The following LPP variants were observed in gnomAD, a reference collection of about 807,000 sequenced individuals.
The protein encoded by LPP is LIM domain containing preferred translocation partner in lipoma.
Under a neutral mutation model 60.4 loss-of-function variants are expected in LPP, and 38 were observed. That is an observed-to-expected ratio of 0.63 (90% confidence interval 0.49 to 0.83). The LOEUF (loss-of-function observed/expected upper bound fraction) is 0.83, where lower values mean the gene tolerates loss of function less well. Ranked by LOEUF, LPP falls within the 40% of genes least tolerant of loss-of-function variation. The pLI, the probability that LPP is intolerant of heterozygous loss-of-function variation, is 0.00. For synonymous variants in LPP, 328 were observed against 290.8 expected (o/e 1.13, Z -1.30); for missense variants, 902 against 783.6 (o/e 1.15, Z -1.80).
At chr3:188,562,481 G>T (rs1830964784) in intron 6 of LPP, 1 of 152,016 alleles carries the variant, frequency 6.6e-6, no homozygotes, top group Admixed American at 6.6e-5. Context: ...AGAATAACTA[G>T]GAGGGGTTTT....
intron 9 of LPP, among the ~76,000 whole-genome samples, chr3:188,804,282 T>TATATATATATATATATAA (rs1560227180): frequency 1.6e-5 from 2 of 123,142 alleles, no homozygotes; most frequent in African/African-American, 3.0e-5. Context: ...TATATATATA[T>TATATATATATATATATAA]AAAATGGAAT....
rs574485450 is a variant in LPP at position 188,654,353 on chromosome 3, G to A, written c.1113+44509G>A. 3.9e-5 allele frequency among the ~76,000 whole-genome samples: 6 copies of A among 152,276 alleles called. No individual in the cohort carries two copies. In the East Asian group the frequency reaches 1.2e-3, roughly 29 times the overall value. Reference sequence around the variant, plus strand: ...TTAGGAAAGAGACATTCCTGACAGAGGAAATAACATAAGTAGACAGGGAGA... The same window carrying A: ...TTAGGAAAGAGACATTCCTGACAGAAGAAATAACATAAGTAGACAGGGAGA... On this transcript the variant is annotated intron_variant, in intron 7 of 11. Transcript: ENST00000617246.
At chr3:188,737,292 T>C (rs1722860995) in intron 8 of LPP, among the ~76,000 whole-genome samples, 1 of 152,152 alleles carries the variant, frequency 6.6e-6, no homozygotes, top group Non-Finnish European at 1.5e-5. Flanking sequence ...AGCTGGGCAA[T>C]GTGGATACTA....
intron 7 of LPP, among the ~76,000 whole-genome samples, chr3:188,679,773 C>A (rs534621438): frequency 2.0e-5 from 3 of 152,144 alleles, no homozygotes; most frequent in African/African-American, 7.2e-5. Flanking sequence ...GCATATTTTT[C>A]TTTTTTCTTA....
chr3:188,173,553 G>C (rs2148824797), intron 1 of LPP, among the ~76,000 whole-genome samples: 1 of 151,988 alleles, frequency 6.6e-6, no homozygotes, highest in East Asian at 1.9e-4. Context: ...CTGGGCAGCA[G>C]AGTGACTCCA....
chr3:188,506,773 G>A (rs1157298792), intron 5 of LPP, among the ~76,000 whole-genome samples: 1 of 152,140 alleles, frequency 6.6e-6, no homozygotes, highest in Non-Finnish European at 1.5e-5. Context: ...CCATATTTCT[G>A]TATCACCCAT....
At chr3:188,695,331 A>C (rs9864066) in intron 7 of LPP, among the ~76,000 whole-genome samples, 28,525 of 152,178 alleles carry the variant, frequency 0.19, 3,351 homozygotes, top group Middle Eastern at 0.38. Flanking sequence ...GAAATATTAA[A>C]TGTTGCTGGT....
chr3:188,190,907 G>A (rs896454834), intron 1 of LPP, among the ~76,000 whole-genome samples: 14 of 152,222 alleles, frequency 9.2e-5, no homozygotes, highest in African/African-American at 3.4e-4. Flanking sequence ...AGAAGATGAA[G>A]TGAATAAGTT....
At chr3:188,240,272 T>G (rs557176397) in intron 2 of LPP, 1 of 171,338 alleles carries the variant, frequency 5.8e-6, no homozygotes, top group African/African-American at 2.4e-5. Context: ...AGGGGGAACA[T>G]GGGTAGGAAT....
intron 8 of LPP, among the ~76,000 whole-genome samples, chr3:188,718,154 T>G (rs918658542): frequency 6.6e-6 from 1 of 152,196 alleles, no homozygotes; most frequent in African/African-American, 2.4e-5. Flanking sequence ...TGATTTGGAA[T>G]CCCAGACTTA....
intron 9 of LPP, among the ~76,000 whole-genome samples, chr3:188,762,446 A>T (rs1732682544): frequency 6.6e-6 from 1 of 152,196 alleles, no homozygotes; most frequent in Non-Finnish European, 1.5e-5. Context: ...TGTGCAGTGA[A>T]ATTCACTGGG....
At chr3:188,510,715 C>T (rs1251937771) in intron 5 of LPP, among the ~76,000 whole-genome samples, 1 of 152,172 alleles carries the variant, frequency 6.6e-6, no homozygotes, top group Non-Finnish European at 1.5e-5. Flanking sequence ...CTATTTTTAC[C>T]TTAAAGAACA....
At chr3:188,246,005 T>C (rs946354502) in intron 2 of LPP, among the ~76,000 whole-genome samples, 11 of 152,380 alleles carry the variant, frequency 7.2e-5, no homozygotes, top group South Asian at 2.1e-4. Context: ...ACTTTATTTT[T>C]GGACTGATAC....
chr3:188,508,439 T>C (rs757366727), intron 5 of LPP, among the ~76,000 whole-genome samples: 5 of 152,180 alleles, frequency 3.3e-5, no homozygotes, highest in South Asian at 2.1e-4. Flanking sequence ...CTAGACAAAA[T>C]TGTAGCAGTA....
At chr3:188,855,554 T>C (rs575007228) in intron 9 of LPP, among the ~76,000 whole-genome samples, 1 of 152,354 alleles carries the variant, frequency 6.6e-6, no homozygotes, top group South Asian at 2.1e-4. Flanking sequence ...GGGATGTCTA[T>C]GGGAGTAGAT....
At chr3:188,673,313 A>G (rs1323505097) in intron 7 of LPP, among the ~76,000 whole-genome samples, 2 of 30,482 alleles carry the variant, frequency 6.6e-5, no homozygotes, top group Non-Finnish European at 1.3e-4. Flanking sequence ...ATAGGGCCCT[A>G]TATGTGGAAA....
Position 188,576,786 on chromosome 3 carries a change from C to T in LPP, c.430-32375C>T, listed in dbSNP as rs562212165. On this transcript the variant is annotated intron_variant, in intron 6 of 11. Coordinates refer to ENST00000617246, the MANE Select transcript of LPP (RefSeq NM_001375462.1). ...ACTGTGTCCTGATGGGTGATACTTC[C>T]GTGACTATCTCCATCACCAGTGAGC... Among the ~76,000 whole-genome samples, 17 of 152,222 alleles carry T rather than the reference C, an allele frequency of 1.1e-4. No individual in the cohort carries two copies. The East Asian group carries it at 1.3e-3, about 12-fold the overall frequency.
chr3:188,199,385 C>A (rs779957079), intron 1 of LPP, among the ~76,000 whole-genome samples: 5 of 151,984 alleles, frequency 3.3e-5, no homozygotes, highest in Non-Finnish European at 7.4e-5. Flanking sequence ...GCATGTGGGA[C>A]GGAAAATTTG....
intron 4 of LPP, among the ~76,000 whole-genome samples, chr3:188,407,780 G>GTTTTTTTTTTT (rs1268002703): frequency 8.4e-5 from 8 of 94,920 alleles, no homozygotes; most frequent in African/African-American, 2.1e-4. Context: ...TTTTTTTTTT[G>GTTTTTTTTTTT]TTTGTTTGTT....
Sources: allele counts gnomAD v4.1 joint callset (sites outside exome capture counted in the v4.1 genomes callset), GRCh38; gene constraint gnomAD v4.1.1; transcripts MANE v1.5; gene names NCBI Gene and HGNC (gene_info 2026-07-23, HGNC 2026-07-21).